Variants in PPM1L observed in about 807,000 individuals in gnomAD.
PPM1L encodes the protein protein phosphatase 1L.
Under a neutral mutation model 31.4 loss-of-function variants are expected in PPM1L, and 13 were observed. That is an observed-to-expected ratio of 0.41 (90% CI 0.27 to 0.66). The LOEUF is 0.66. PPM1L is among the 30% of genes least tolerant of loss of function. PPM1L has a pLI of 0.29. For missense variants in PPM1L, 326 were observed against 453.7 expected, an observed-to-expected ratio of 0.72 and a Z score of 2.56; for synonymous variants, 184 against 175.4, an observed-to-expected ratio of 1.05 and a Z score of -0.39.
rs549720038 is a variant in PPM1L, at chr3:160,875,041, C to T, written c.400-86695C>T. 8.5e-4 allele frequency among the ~76,000 whole-genome samples: 129 copies of T among 152,232 alleles called. 1 individual carries two copies. The highest frequency in any genetic ancestry group is 2.9e-3 in the African/African-American group (120 of 41,542). On this transcript the variant is annotated intron_variant, in intron 1 of 3. Transcript: ENST00000498165. Reference sequence around the variant, plus strand: ...CTTCTCCAAACTGCAGATTCATGAACAAAATGAACATTGTTATTATTTTAA... The same window carrying T: ...CTTCTCCAAACTGCAGATTCATGAATAAAATGAACATTGTTATTATTTTAA...
intron 1 of PPM1L, among the ~76,000 whole-genome samples, chr3:160,920,615 T>TCTCTCTCTCTCTCA (rs1389629070): frequency 4.5e-4 from 13 of 28,708 alleles, no homozygotes; most frequent in South Asian, 8.0e-4. Context: ...TCTCTCTCTC[T>TCTCTCTCTCTCTCA]CACACACACA....
rs189755538 is a variant in PPM1L, at chr3:161,070,767, T to C, written c.*1610T>C. The C allele has an allele frequency of 2.0e-5, 3 of 152,258 alleles. No homozygotes were observed. The East Asian group carries it at 5.8e-4, about 30-fold the overall frequency. The allele number at this position is 152,258 out of a possible 1,614,324, so 9.4% of individuals were successfully genotyped here. A position where few individuals can be genotyped will look rare whatever the true frequency, so the allele number is the denominator to read the frequency against. On this transcript the variant is annotated 3_prime_UTR_variant, in exon 4 of 4. Coordinates refer to ENST00000498165, the MANE Select transcript of PPM1L (RefSeq NM_139245.4). Reference sequence around the variant, plus strand: ...ACCTCCTCGCCGTGGAACCCTGCCCTCTCCCCTCCTGCTGCTGTAGAGTTT... The same window carrying C: ...ACCTCCTCGCCGTGGAACCCTGCCCCCTCCCCTCCTGCTGCTGTAGAGTTT...
At chr3:160,961,606 A>C (rs1715966079) in intron 1 of PPM1L, 130 bp from the exon 2 acceptor site, 1 of 622,748 alleles carries the variant, frequency 1.6e-6, no homozygotes, top group South Asian at 3.3e-5. Flanking sequence ...TGACGATGAC[A>C]AGGACATGCT....
At chr3:161,013,169 A>T (rs1717954681) in intron 2 of PPM1L, among the ~76,000 whole-genome samples, 1 of 152,212 alleles carries the variant, frequency 6.6e-6, no homozygotes, top group South Asian at 2.1e-4. Context: ...TTAGTGCTGT[A>T]AATTTCCCTC....
chr3:161,048,308 A>T (rs1719148838), intron 2 of PPM1L, among the ~76,000 whole-genome samples: 2 of 152,272 alleles, frequency 1.3e-5, no homozygotes, highest in African/African-American at 4.8e-5. Context: ...ACATTTATGC[A>T]GTCAACAGAC....
At chr3:160,957,554 T>G (rs1318104347) in intron 1 of PPM1L, among the ~76,000 whole-genome samples, 1 of 151,480 alleles carries the variant, frequency 6.6e-6, no homozygotes, top group African/African-American at 2.4e-5. Context: ...TCCACAACCT[T>G]GCTAGCATCT....
chr3:161,048,879 A>G (rs1176148922), intron 2 of PPM1L, among the ~76,000 whole-genome samples: 1 of 136,566 alleles, frequency 7.3e-6, no homozygotes, highest in Non-Finnish European at 1.5e-5. Flanking sequence ...GAATTGAACA[A>G]TGAGAACACT....
chr3:160,962,744 C>A (rs1716007917), intron 2 of PPM1L, among the ~76,000 whole-genome samples: 1 of 152,100 alleles, frequency 6.6e-6, no homozygotes, highest in Middle Eastern at 3.4e-3. Context: ...AGAATCTATG[C>A]ATGCTCGATA....
chr3:160,860,950 G>T (rs1289371173), intron 1 of PPM1L, among the ~76,000 whole-genome samples: 1 of 152,150 alleles, frequency 6.6e-6, no homozygotes, highest in East Asian at 1.9e-4. Context: ...TCACATTAGG[G>T]ATTAGGGCTT....
rs1198319861 is a variant in PPM1L, at chr3:161,078,645, T to A, written c.*9488T>A. 6 of 152,224 alleles carry A rather than the reference T, an allele frequency of 3.9e-5. No individual in the cohort carries two copies. Among genetic ancestry groups the A allele is most frequent in the African/African-American group, 1.4e-4 (6 of 41,456 alleles). The allele number at this position is 152,224 out of a possible 1,614,324, so 9.4% of individuals were successfully genotyped here. A position where few individuals can be genotyped will look rare whatever the true frequency, so the allele number is the denominator to read the frequency against. On this transcript the variant is annotated 3_prime_UTR_variant, in exon 4 of 4. Transcript: ENST00000498165. ...ATCTGTATTTGTCTCTAAGAGACAT[T>A]TGAAACACAGTTACAATGTCAATTT...
At chr3:160,828,911 ATT>A (rs1713433911) in intron 1 of PPM1L, among the ~76,000 whole-genome samples, 1 of 152,114 alleles carries the variant, frequency 6.6e-6, no homozygotes, top group Non-Finnish European at 1.5e-5. Context: ...AAAATGCATA[ATT>A]TTTAAAATAA....
chr3:160,978,313 G>A (rs1716672736), intron 2 of PPM1L, among the ~76,000 whole-genome samples: 1 of 152,184 alleles, frequency 6.6e-6, no homozygotes. Context: ...CTTGGCATCA[G>A]GGAATCTCCA....
chr3:160,951,446 G>T (rs1407452309), intron 1 of PPM1L, among the ~76,000 whole-genome samples: 1 of 152,116 alleles, frequency 6.6e-6, no homozygotes, highest in Non-Finnish European at 1.5e-5. Context: ...GAAATAATAA[G>T]ATAAGGAAAA....
intron 1 of PPM1L, among the ~76,000 whole-genome samples, chr3:160,764,215 A>G (rs1715043787): frequency 1.3e-5 from 2 of 152,150 alleles, no homozygotes; most frequent in South Asian, 2.1e-4. Flanking sequence ...TACTACAGCC[A>G]CAAACTCCTG....
chr3:161,007,766 C>T (rs1013791604), intron 2 of PPM1L, among the ~76,000 whole-genome samples: 5 of 152,052 alleles, frequency 3.3e-5, no homozygotes, highest in Admixed American at 6.6e-5. Context: ...CCTGAATAGA[C>T]TTTGGTTTTT....
chr3:161,009,015 G>T (rs1717801410), intron 2 of PPM1L, among the ~76,000 whole-genome samples: 2 of 152,162 alleles, frequency 1.3e-5, no homozygotes, highest in Admixed American at 1.3e-4. Context: ...GGAGCCCTGG[G>T]GTGCTTTAGG....
intron 1 of PPM1L, among the ~76,000 whole-genome samples, chr3:160,953,190 A>G (rs755129149): frequency 3.3e-5 from 5 of 152,216 alleles, no homozygotes; most frequent in Non-Finnish European, 7.3e-5. Context: ...TACAAAGTTA[A>G]TGATAAATCC....
chr3:160,853,130 C>G (rs1182573316), intron 1 of PPM1L, among the ~76,000 whole-genome samples: 4 of 152,170 alleles, frequency 2.6e-5, no homozygotes, highest in African/African-American at 9.7e-5. Flanking sequence ...GCTTCCTCCT[C>G]TTTTGTCTGA....
At chr3:161,003,402 G>A (rs1717578232) in intron 2 of PPM1L, among the ~76,000 whole-genome samples, 1 of 151,920 alleles carries the variant, frequency 6.6e-6, no homozygotes, top group Non-Finnish European at 1.5e-5. Flanking sequence ...TGATGGGGAT[G>A]GCGTTGAATC....
Sources: allele counts gnomAD v4.1 joint callset (sites outside exome capture counted in the v4.1 genomes callset), GRCh38; gene constraint gnomAD v4.1.1; transcripts MANE v1.5; gene names NCBI Gene and HGNC (gene_info 2026-07-23, HGNC 2026-07-21).